FGF12: variants seen among roughly 807,000 people sequenced by gnomAD.
FGF12 encodes the protein fibroblast growth factor 12B.
In FGF12, 14 loss-of-function variants were observed where a neutral mutation model predicts 23.6. That is an observed-to-expected ratio of 0.59 (90% CI 0.39 to 0.93). The LOEUF (loss-of-function observed/expected upper bound fraction) is 0.93, where lower values mean the gene tolerates loss of function less well. Among genes scored for constraint, FGF12 ranks in the 40% least tolerant of loss-of-function variants. FGF12 has a pLI of 0.00. For missense variants in FGF12, 175 were observed against 217.8 expected, an observed-to-expected ratio of 0.80 and a Z score of 1.24; for synonymous variants, 62 against 77.3, an observed-to-expected ratio of 0.80 and a Z score of 1.04.
At chr3:192,233,069 A>C (rs1719107725) in intron 4 of FGF12, among the ~76,000 whole-genome samples, 1 of 152,124 alleles carries the variant, frequency 6.6e-6, no homozygotes, top group African/African-American at 2.4e-5. Context: ...GTGTACATTC[A>C]CTAAAGGGAT....
intron 4 of FGF12, among the ~76,000 whole-genome samples, chr3:192,252,373 G>A (rs2108607984): frequency 6.7e-6 from 1 of 148,300 alleles, no homozygotes. Flanking sequence ...TGAGGCTGGA[G>A]GATCCCTTGA....
At chr3:192,686,801 G>A (rs1717755251) in intron 2 of FGF12, among the ~76,000 whole-genome samples, 1 of 130,018 alleles carries the variant, frequency 7.7e-6, no homozygotes, top group South Asian at 2.5e-4. Flanking sequence ...AAAAGACAAT[G>A]ACTTTTTTCT....
chr3:192,548,007 A>C (rs1725538653), intron 2 of FGF12, among the ~76,000 whole-genome samples: 1 of 152,202 alleles, frequency 6.6e-6, no homozygotes, highest in African/African-American at 2.4e-5. Context: ...AAATGAAACC[A>C]AGATTTAAAA....
chr3:192,567,633 C>G (rs940618784), intron 2 of FGF12, among the ~76,000 whole-genome samples: 1 of 152,094 alleles, frequency 6.6e-6, no homozygotes, highest in Admixed American at 6.5e-5. Context: ...AGGTGAGAAT[C>G]CTCTCTTGAC....
At chr3:192,190,763 C>T (rs1442597870) in intron 4 of FGF12, among the ~76,000 whole-genome samples, 1 of 152,198 alleles carries the variant, frequency 6.6e-6, no homozygotes, top group African/African-American at 2.4e-5. Context: ...GCGTGAGCCA[C>T]CGCGCCCGGC....
At chr3:192,212,605 G>T (rs567587462) in intron 4 of FGF12, among the ~76,000 whole-genome samples, 2 of 152,126 alleles carry the variant, frequency 1.3e-5, no homozygotes, top group South Asian at 4.1e-4. Flanking sequence ...CAAAATGAAG[G>T]TTTCTGCTAG....
intron 4 of FGF12, among the ~76,000 whole-genome samples, chr3:192,309,788 T>C (rs1715842799): frequency 6.6e-6 from 1 of 151,928 alleles, no homozygotes; most frequent in South Asian, 2.1e-4. Flanking sequence ...TAAATGAAAA[T>C]GGAGATGAAG....
chr3:192,179,877 T>C (rs1212294465), intron 4 of FGF12, among the ~76,000 whole-genome samples: 1 of 152,022 alleles, frequency 6.6e-6, no homozygotes, highest in Non-Finnish European at 1.5e-5. Context: ...ACAATGAAGG[T>C]GTGTCAAGCA....
At chr3:192,325,678 T>G (rs755674830) in intron 4 of FGF12, among the ~76,000 whole-genome samples, 1 of 152,196 alleles carries the variant, frequency 6.6e-6, no homozygotes, top group Non-Finnish European at 1.5e-5. Context: ...AAAGCCTGCG[T>G]ATCTTTTTAG....
chr3:192,307,469 T>C (rs2108666581), intron 4 of FGF12, among the ~76,000 whole-genome samples: 1 of 152,280 alleles, frequency 6.6e-6, no homozygotes, highest in Middle Eastern at 3.4e-3. Flanking sequence ...TATGATCACT[T>C]TTATCAACTG....
chr3:192,464,794 C>A (rs527703748), intron 2 of FGF12, among the ~76,000 whole-genome samples: 21 of 152,122 alleles, frequency 1.4e-4, no homozygotes, highest in African/African-American at 4.8e-4. Flanking sequence ...GTAGTGCAAG[C>A]CTGCCTGAAT....
At chr3:192,297,122 G>A (rs1206864471) in intron 4 of FGF12, among the ~76,000 whole-genome samples, 2 of 152,156 alleles carry the variant, frequency 1.3e-5, no homozygotes, top group Admixed American at 6.5e-5. Context: ...AAGTACTAGG[G>A]TCAATATATA....
intron 2 of FGF12, among the ~76,000 whole-genome samples, chr3:192,713,531 C>G (rs1224631415): frequency 6.6e-6 from 1 of 152,136 alleles, no homozygotes; most frequent in Non-Finnish European, 1.5e-5. Context: ...GCTCTAAAAG[C>G]ATTTCTGATG....
At chr3:192,477,219 T>C (rs978656283) in intron 2 of FGF12, among the ~76,000 whole-genome samples, 2 of 152,148 alleles carry the variant, frequency 1.3e-5, no homozygotes, top group African/African-American at 2.4e-5. Flanking sequence ...ACTAGAGGAA[T>C]AAAGACTGAC....
intron 2 of FGF12, among the ~76,000 whole-genome samples, chr3:192,561,634 TTACA>T (rs1712040073): frequency 1.3e-5 from 2 of 152,210 alleles, no homozygotes; most frequent in Admixed American, 6.5e-5. Context: ...AGTGCTGGGA[TTACA>T]GGCGTGAGCC....
At chr3:192,250,480 G>A (rs1382171780) in intron 4 of FGF12, among the ~76,000 whole-genome samples, 2 of 151,962 alleles carry the variant, frequency 1.3e-5, no homozygotes, top group Admixed American at 1.3e-4. Context: ...CACAATACAA[G>A]CATAAGTGTT....
intron 2 of FGF12, among the ~76,000 whole-genome samples, chr3:192,680,634 ACAGCC>A (rs1717493747): frequency 1.3e-5 from 2 of 152,354 alleles, no homozygotes; most frequent in Non-Finnish European, 2.9e-5. Context: ...AGGCATAAGA[ACAGCC>A]CAGCCAGACA....
In FGF12 at chr3:192,293,800, A is replaced by G. The variant is rs572237106; in HGVS notation, c.228+41561T>C. ...TCATCTGTTTGGGTAGTTGTAGCCA[A>G]TGGCTTATAAACAATATAACTTTAT... is the stretch of plus-strand genomic sequence containing the variant. On this transcript the variant is annotated intron_variant, in intron 4 of 5. Transcript: ENST00000445105. Among the ~76,000 whole-genome samples the G allele has an allele frequency of 2.0e-5, 3 of 152,246 alleles. No individual in the cohort carries two copies. In the South Asian group the frequency reaches 6.2e-4, roughly 32 times the overall value.
intron 2 of FGF12, among the ~76,000 whole-genome samples, chr3:192,421,247 A>G (rs1243299318): frequency 1.3e-5 from 2 of 152,212 alleles, no homozygotes; most frequent in East Asian, 3.8e-4. Flanking sequence ...ACTCATCCAT[A>G]AAATGAGAAA....
Sources: allele counts gnomAD v4.1 joint callset (sites outside exome capture counted in the v4.1 genomes callset), GRCh38; gene constraint gnomAD v4.1.1; transcripts MANE v1.5; gene names NCBI Gene and HGNC (gene_info 2026-07-23, HGNC 2026-07-21).